CA9: variants seen among roughly 807,000 people sequenced by gnomAD.
CA9 encodes the protein CA-IX.
A neutral mutation model predicts 51.8 loss-of-function variants in CA9; 43 were observed. The ratio of observed to expected loss-of-function variants is 0.83; its 90% confidence interval spans 0.65 to 1.07. The LOEUF is 1.07. Ranked by LOEUF, CA9 falls within the 50% of genes least tolerant of loss-of-function variation. The pLI, the probability that CA9 is intolerant of heterozygous loss-of-function variation, is 0.00. For missense variants in CA9, 574 were observed against 581.4 expected (o/e 0.99, Z 0.13); for synonymous variants, 253 against 244.2 (o/e 1.04, Z -0.34).
chr9:35,677,888 TG>T (rs761522461), intron 6 of CA9, 32 bp downstream of exon 6: 5 of 1,592,392 alleles, frequency 3.1e-6, no homozygotes, highest in Non-Finnish European at 4.3e-6. Flanking sequence ...CTAATCTCTG[TG>T]GCCTAGTTCA....
intron 4 of CA9, 24 bp downstream of exon 4, chr9:35,676,230 G>T: frequency 6.2e-7 from 1 of 1,612,610 alleles, no homozygotes; most frequent in East Asian, 2.2e-5. Context: ...TGGCCGAGAA[G>T]GGGCAAAGGA....
intron 2 of CA9, 91 bp downstream of exon 2, chr9:35,675,658 T>TACC: frequency 7.1e-7 from 1 of 1,407,082 alleles, no homozygotes; most frequent in Non-Finnish European, 1.0e-6. Context: ...GTCCCGGGCG[T>TACC]CCCACCCGCC....
Position 35,674,300 on chromosome 9 carries a change from C to T in CA9, c.341C>T (p.Pro114Leu). Residue 114 changes from proline to leucine, a missense_variant, in exon 1 of 11, where the codon CCT (proline) becomes CTT (leucine). Pro to Leu is a moderately conservative substitution (Grantham distance 98). Coordinates refer to ENST00000378357, the MANE Select transcript of CA9 (RefSeq NM_001216.3). ...EEGSLKLEDL[P>L]TVEAPGDPQE... ...GGCTCCCTGAAGTTAGAGGATCTACCTACTGTTGAGGCTCCTGGAGATCCT... is the reference window on the plus strand; with the variant it reads ...GGCTCCCTGAAGTTAGAGGATCTACTTACTGTTGAGGCTCCTGGAGATCCT... 6.2e-7 allele frequency: 1 copy of T among 1,614,174 alleles called. No individual in the cohort carries two copies. Among genetic ancestry groups the T allele is most frequent in the African/African-American group, 1.3e-5 (1 of 75,040 alleles).
chr9:35,676,432 C>T (rs1315603283), intron 5 of CA9, 43 bp downstream of exon 5: 1 of 1,490,416 alleles, frequency 6.7e-7, no homozygotes, highest in South Asian at 1.2e-5. Context: ...TTTCCCATCC[C>T]ATGCTCCTCC....
At chr9:35,678,289 T>C (rs1480584960) in intron 6 of CA9, among the ~76,000 whole-genome samples, 1 of 144,934 alleles carries the variant, frequency 6.9e-6, no homozygotes, top group African/African-American at 2.6e-5. Context: ...GAAGTTGCAG[T>C]GAGCCGAGAT....
rs373044551 is a variant in CA9 at position 35,677,715 on chromosome 9, C to A, written c.841-75C>A. 64 of 760,954 alleles carry A rather than the reference C, an allele frequency of 8.4e-5. No individual in the cohort carries two copies. In the African/African-American group the frequency reaches 1.6e-3, roughly 19 times the overall value. The allele number at this position is 760,954 out of a possible 1,614,324, so 47.1% of individuals were successfully genotyped here. On this transcript the variant is annotated intron_variant, in intron 5 of 10. Transcript: ENST00000378357. ...GAGGAATGGGAGAGGTCTATGGGAA[C>A]CCCCCTTCATGTTCCGGCCTTCAGC...
intron 5 of CA9, among the ~76,000 whole-genome samples, chr9:35,676,638 A>T (rs1332757866): frequency 6.6e-6 from 1 of 152,218 alleles, no homozygotes; most frequent in Non-Finnish European, 1.5e-5. Flanking sequence ...CATGACAGAC[A>T]CATAGGAAGG....
At chr9:35,679,379 G>A (rs1032300178) in intron 7 of CA9, 37 bp downstream of exon 7, 1 of 1,585,210 alleles carries the variant, frequency 6.3e-7, no homozygotes, top group Non-Finnish European at 8.6e-7. Flanking sequence ...GTGGGTGCGG[G>A]GGAAAGAGGA....
chr9:35,677,480 C>G (rs1412806388), intron 5 of CA9, among the ~76,000 whole-genome samples: 1 of 145,692 alleles, frequency 6.9e-6, no homozygotes, highest in Non-Finnish European at 1.5e-5. Flanking sequence ...GCCTAGTATC[C>G]TAAGTAAAGT....
chr9:35,681,097 GC>G lies in CA9; in HGVS notation c.*73del. The G allele has an allele frequency of 3.4e-6, 4 of 1,187,744 alleles. No homozygotes were observed. Among genetic ancestry groups the G allele is most frequent in the Admixed American group, 2.5e-5 (1 of 40,504 alleles). The allele number at this position is 1,187,744 out of a possible 1,614,324, so 73.6% of individuals were successfully genotyped here. The stretch of plus-strand genomic sequence containing the variant: ...GGGGAGCCGGTAACTGTCCTGTCCT[GC>G]TCATTATGCCACTTCCTTTTAACTG... On this transcript the variant is annotated 3_prime_UTR_variant, in exon 11 of 11. Coordinates refer to ENST00000378357, the MANE Select transcript of CA9 (RefSeq NM_001216.3).
intron 7 of CA9, 52 bp downstream of exon 7, chr9:35,679,394 A>T (rs1563923458): frequency 1.9e-6 from 3 of 1,564,824 alleles, no homozygotes; most frequent in Non-Finnish European, 2.6e-6. Flanking sequence ...AGAGGATGTA[A>T]GATGAGATGA....
intron 1 of CA9, chr9:35,675,151 G>T (rs916748119): frequency 1.0e-4 from 21 of 207,480 alleles, no homozygotes; most frequent in African/African-American, 4.7e-4. Flanking sequence ...GCGCCACCAC[G>T]CCCGGCTAAT....
chr9:35,681,041 G>A lies in CA9; in HGVS notation c.*16G>A, dbSNP rs750071173. On this transcript the variant is annotated 3_prime_UTR_variant, in exon 11 of 11. Coordinates refer to ENST00000378357, the MANE Select transcript of CA9 (RefSeq NM_001216.3). ...TGGAGCCTAGAGGCTGGATCTTGGAGAATGTGAGAAGCCAGCCAGAGGCAT... is the reference window on the plus strand; with the variant it reads ...TGGAGCCTAGAGGCTGGATCTTGGAAAATGTGAGAAGCCAGCCAGAGGCAT... 1.2e-5 allele frequency: 20 copies of A among 1,612,204 alleles called. No individual in the cohort carries two copies. The highest frequency in any genetic ancestry group is 8.4e-5 in the Admixed American group (5 of 59,798).
At chr9:35,675,469 C>CA (rs1824397455) in intron 1 of CA9, 69 bp from the exon 2 acceptor site, 1 of 1,566,726 alleles carries the variant, frequency 6.4e-7, no homozygotes, top group Middle Eastern at 1.7e-4. Context: ...GCGTTTGTGA[C>CA]ATCGTTTTGG....
At chr9:35,679,044 T>A in intron 6 of CA9, 141 bp from the exon 7 acceptor site, 1 of 801,120 alleles carries the variant, frequency 1.2e-6, no homozygotes, top group East Asian at 2.7e-5. Context: ...TTACGTCTTA[T>A]GGGAAGGGCC....
chr9:35,679,416 A>G (rs964713976), intron 7 of CA9, 74 bp downstream of exon 7: 37 of 1,530,796 alleles, frequency 2.4e-5, no homozygotes, highest in Non-Finnish European at 3.2e-5. Flanking sequence ...AAACAGGAGA[A>G]GAAAGAAATC....
chr9:35,676,518 ACT>A, intron 5 of CA9, 129 bp downstream of exon 5: 1 of 728,524 alleles, frequency 1.4e-6, no homozygotes, highest in South Asian at 1.7e-5. Flanking sequence ...TCATTCACGC[ACT>A]GTTTGTTCAT....
intron 5 of CA9, among the ~76,000 whole-genome samples, chr9:35,677,491 G>A (rs1361959521): frequency 2.6e-5 from 4 of 152,060 alleles, no homozygotes; most frequent in Non-Finnish European, 4.4e-5. Context: ...TAAGTAAAGT[G>A]GGCTCTCTCC....
chr9:35,677,984 C>T, intron 6 of CA9, 128 bp downstream of exon 6: 2 of 744,872 alleles, frequency 2.7e-6, no homozygotes, highest in South Asian at 3.0e-5. Context: ...TGAGCCAGCG[C>T]TCATCTTGAT....
Sources: allele counts gnomAD v4.1 joint callset (sites outside exome capture counted in the v4.1 genomes callset), GRCh38; gene constraint gnomAD v4.1.1; transcripts MANE v1.5; gene names NCBI Gene and HGNC (gene_info 2026-07-23, HGNC 2026-07-21).